Variants in TWF2 observed in about 807,000 individuals in gnomAD.
The protein encoded by TWF2 is twinfilin actin binding protein 2, also known as twinfilin-2.
TWF2 carries 15 observed loss-of-function variants against 45.1 expected under a neutral mutation model. The observed-to-expected ratio is 0.33, with a 90% CI of 0.22 to 0.51. The LOEUF is 0.51. TWF2 is among the 20% of genes least tolerant of loss of function. TWF2 has a pLI of 0.97. For synonymous variants in TWF2, 177 were observed against 195.8 expected, an observed-to-expected ratio of 0.90 and a Z score of 0.80; for missense variants, 423 against 469.1, an observed-to-expected ratio of 0.90 and a Z score of 0.91.
intron 1 of TWF2, among the ~76,000 whole-genome samples, chr3:52,237,249 T>C (rs1699736306): frequency 6.6e-6 from 1 of 151,994 alleles, no homozygotes. Flanking sequence ...CCACCATCAA[T>C]AATCCAGAGG....
chr3:52,230,061 G>C lies in TWF2; in HGVS notation c.619C>G (p.Leu207Val). Residue 207 changes from leucine to valine, a missense_variant, in exon 7 of 9, where the codon CTA becomes GTA. Transcript: ENST00000305533. ...MVNYIQMKLD[L>V]ERETIELVHT... The stretch of plus-strand genomic sequence containing the variant: ...ACCAGCTCAATGGTTTCCCGCTCTA[G>C]GTCCAGCTTCTGCCCAGGGCCAAGG... 1 of 1,591,918 alleles carries C rather than the reference G, an allele frequency of 6.3e-7. No individual in the cohort carries two copies.
At chr3:52,232,386 A>C (rs1382013057) in intron 2 of TWF2, among the ~76,000 whole-genome samples, 2 of 151,702 alleles carry the variant, frequency 1.3e-5, no homozygotes, top group African/African-American at 2.4e-5. Flanking sequence ...ACGTGCGCAG[A>C]TCACCAACAC....
rs1372607106 is a variant in TWF2, at chr3:52,230,029, T to C, written c.651A>G (p.Thr217=). ...GCAGCTGGGCCACATCCGTGGGCTCTGTGTGCACCAGCTCAATGGTTTCCC... is the reference window on the plus strand; with the variant it reads ...GCAGCTGGGCCACATCCGTGGGCTCCGTGTGCACCAGCTCAATGGTTTCCC... ...LERETIELVH[T]EPTDVAQLPS... Residue 217 remains threonine, a synonymous_variant, in exon 7 of 9, where the codon ACA becomes ACG. Coordinates refer to ENST00000305533, the MANE Select transcript of TWF2 (RefSeq NM_007284.4). The C allele has an allele frequency of 6.2e-7, 1 of 1,609,318 alleles. No individual in the cohort carries two copies. Among genetic ancestry groups the C allele is most frequent in the Admixed American group, 1.7e-5 (1 of 59,678 alleles).
chr3:52,230,454 G>A (rs371002724), intron 6 of TWF2, among the ~76,000 whole-genome samples: 4 of 152,192 alleles, frequency 2.6e-5, no homozygotes, highest in African/African-American at 9.6e-5. Flanking sequence ...GCTTGAAAGC[G>A]GCAGCCGGAA....
intron 1 of TWF2, among the ~76,000 whole-genome samples, chr3:52,237,893 G>A (rs1217382651): frequency 1.3e-5 from 2 of 152,242 alleles, no homozygotes. Flanking sequence ...TCCTAGTGTG[G>A]TGGGAGGGGT....
rs202101314 is a variant in TWF2, at chr3:52,239,032, T to C, written c.-16A>G. 1.4e-5 allele frequency: 23 copies of C among 1,594,098 alleles called. No individual in the cohort carries two copies. The African/African-American group carries it at 2.9e-4, about 20-fold the overall frequency. ...GGTGCGCCATGGCTCGGCGCTTCGCTCCGTCCGCGCCGTCGGAGCCCTCCG... is the reference window on the plus strand; with the variant it reads ...GGTGCGCCATGGCTCGGCGCTTCGCCCCGTCCGCGCCGTCGGAGCCCTCCG... On this transcript the variant is annotated 5_prime_UTR_variant, in exon 1 of 9. Transcript: ENST00000305533.
rs1019674779 is a variant in TWF2, at chr3:52,232,358, A to ACCC, written c.104-239_104-237dup. The stretch of plus-strand genomic sequence containing the variant: ...CTGCACATCCCCAGCGCGTGCACAC[A>ACCC]CCCCCCCACACACACACACGTGCGC... On this transcript the variant is annotated intron_variant, in intron 2 of 8. Coordinates refer to ENST00000305533, the MANE Select transcript of TWF2 (RefSeq NM_007284.4). The ACCC allele has an allele frequency of 2.4e-4, 132 of 556,314 alleles. No individual in the cohort carries two copies. The African/African-American group carries it at 2.4e-3, about 10-fold the overall frequency. 34.5% of individuals were successfully genotyped at this position (556,314 alleles called of 1,614,324 possible).
chr3:52,231,168 T>A lies in TWF2; in HGVS notation c.442A>T (p.Thr148Ser). 1.2e-6 allele frequency: 2 copies of A among 1,614,020 alleles called. No homozygotes were observed. Among genetic ancestry groups the A allele is most frequent in the Non-Finnish European group, 1.7e-6 (2 of 1,179,956 alleles). ...TGCTGGAGCTCTCTCTCAGCCGAGGTCAGCGGGGCAGGTGCCGCACAGGAC... is the reference window on the plus strand; with the variant it reads ...TGCTGGAGCTCTCTCTCAGCCGAGGACAGCGGGGCAGGTGCCGCACAGGAC... ...LSSCAAPAPL[T>S]SAERELQQIR... is the part of the protein sequence containing the mutation. The change falls in exon 5 of 9, where the codon ACC becomes TCC. Residue 148 changes from threonine (T) to serine (S), a missense_variant. Transcript: ENST00000305533.
At chr3:52,232,214 TCA>T in intron 2 of TWF2, 92 bp from the exon 3 acceptor site, 2 of 1,412,450 alleles carry the variant, frequency 1.4e-6, no homozygotes, top group African/African-American at 2.9e-5. Context: ...CCCAGCTGGC[TCA>T]GAGCCGCCGG....
intron 2 of TWF2, 54 bp downstream of exon 2, chr3:52,234,975 G>A: frequency 6.3e-7 from 1 of 1,594,326 alleles, no homozygotes; most frequent in African/African-American, 1.3e-5. Context: ...CCCACCCACA[G>A]AGGCAGCAGA....
intron 2 of TWF2, among the ~76,000 whole-genome samples, chr3:52,233,870 C>T (rs963599159): frequency 7.0e-6 from 1 of 142,080 alleles, no homozygotes; most frequent in African/African-American, 2.6e-5. Context: ...GCTGAGATCA[C>T]ACCACTACAC....
At chr3:52,233,278 C>T (rs1024899570) in intron 2 of TWF2, among the ~76,000 whole-genome samples, 1 of 152,242 alleles carries the variant, frequency 6.6e-6, no homozygotes, top group African/African-American at 2.4e-5. Flanking sequence ...TGCCTGGACG[C>T]CCCAACAGAC....
rs148748597 is a variant in TWF2, at chr3:52,234,481, C to T, written c.103+548G>A. Among the ~76,000 whole-genome samples, 55 of 152,356 alleles carry T rather than the reference C, an allele frequency of 3.6e-4. No homozygotes were observed. In the East Asian group the frequency reaches 9.1e-3, roughly 25 times the overall value. On this transcript the variant is annotated intron_variant, in intron 2 of 8. Coordinates refer to ENST00000305533, the MANE Select transcript of TWF2 (RefSeq NM_007284.4). ...CTGCCCTCTATACAGCTCCCAGGTC[C>T]TCAGGGGCAAGGCCAAAGCCCAGCC...
chr3:52,235,563 C>G (rs947015320), intron 1 of TWF2, among the ~76,000 whole-genome samples: 78 of 152,160 alleles, frequency 5.1e-4, no homozygotes, highest in African/African-American at 1.8e-3. Flanking sequence ...CACACACACA[C>G]AGCTCAATCC....
In TWF2 at chr3:52,231,660, G is replaced by GC; in HGVS notation, c.283-122dup. On this transcript the variant is annotated intron_variant, in intron 3 of 8. Coordinates refer to ENST00000305533, the MANE Select transcript of TWF2 (RefSeq NM_007284.4). ...CGCTGGCACACCTGGCAGAGGGCCA[G>GC]CCCGGGGCCAGGACGCAGCAGGTGG... is the stretch of plus-strand genomic sequence containing the variant. 5 of 1,186,082 alleles carry GC rather than the reference G, an allele frequency of 4.2e-6. No individual in the cohort carries two copies. In the East Asian group the frequency reaches 9.8e-5, roughly 23 times the overall value. The allele number at this position is 1,186,082 out of a possible 1,614,324, so 73.5% of individuals were successfully genotyped here.
At chr3:52,235,448 C>A (rs1699715945) in intron 1 of TWF2, among the ~76,000 whole-genome samples, 1 of 152,188 alleles carries the variant, frequency 6.6e-6, no homozygotes, top group Non-Finnish European at 1.5e-5. Context: ...TGGCCGAGCT[C>A]TGGGCTGGCC....
chr3:52,232,187 C>T, intron 2 of TWF2, 65 bp from the exon 3 acceptor site: 1 of 1,447,734 alleles, frequency 6.9e-7, no homozygotes, highest in Non-Finnish European at 9.1e-7. Flanking sequence ...TGCAGACCTC[C>T]AGCCTCGCCG....
rs199985752 is a variant in TWF2, at chr3:52,230,087, G to A, written c.610-17C>T. Reference sequence around the variant, plus strand: ...GTCCAGCTTCTGCCCAGGGCCAAGGGAAGATGGGAGAGCACCAGGTCGGGG... The same window carrying A: ...GTCCAGCTTCTGCCCAGGGCCAAGGAAAGATGGGAGAGCACCAGGTCGGGG... On this transcript the variant is annotated splice_polypyrimidine_tract_variant and intron_variant, in intron 6 of 8. Transcript: ENST00000305533. 5.1e-6 allele frequency: 8 copies of A among 1,561,690 alleles called. No individual in the cohort carries two copies. Among genetic ancestry groups the A allele is most frequent in the African/African-American group, 2.7e-5 (2 of 74,518 alleles).
intron 2 of TWF2, among the ~76,000 whole-genome samples, chr3:52,233,575 C>T (rs534661471): frequency 2.5e-4 from 38 of 152,202 alleles, no homozygotes; most frequent in Non-Finnish European, 4.6e-4. Flanking sequence ...TCCCAGGTAC[C>T]CCAACAACTG....
Sources: gnomAD v4.1 joint callset for allele counts (sites outside exome capture counted in the v4.1 genomes callset) on GRCh38, gnomAD v4.1.1 for gene constraint, MANE v1.5 for transcripts, NCBI Gene and HGNC (gene_info 2026-07-23, HGNC 2026-07-21) for gene names.